The following PLD3 variants were observed in gnomAD, a reference collection of about 807,000 sequenced individuals.
PLD3 encodes the protein phospholipase D family member 3.
PLD3 carries 31 observed loss-of-function variants against 58.4 expected under a neutral mutation model. The ratio of observed to expected loss-of-function variants is 0.53; its 90% CI spans 0.40 to 0.72. The LOEUF (loss-of-function observed/expected upper bound fraction) is 0.72. Among genes scored for constraint, PLD3 ranks in the 30% least tolerant of loss-of-function variants. The probability of loss-of-function intolerance (pLI) is 0.00; values close to 1 mark genes in which losing one functional copy is unlikely to be tolerated. For synonymous variants in PLD3, 264 were observed against 273.4 expected (o/e 0.97, Z 0.34); for missense variants, 595 against 659.8 (o/e 0.90, Z 1.08).
chr19:40,377,848 C>T lies in PLD3; in HGVS notation c.1248C>T (p.His416=). ...GAATCCCATATGCCCGTGTCAACCA[C>T]AACAAGTACATGGTGACTGAACGCG... ...QARIPYARVN[H]NKYMVTERAT... is the part of the protein sequence containing the mutation. Residue 416 remains histidine (H), a synonymous_variant, in exon 12 of 13, where the codon CAC becomes CAT. Transcript: ENST00000409735. 1.2e-6 allele frequency: 2 copies of T among 1,613,990 alleles called. No individual in the cohort carries two copies. Among genetic ancestry groups the T allele is most frequent in the East Asian group, 2.2e-5 (1 of 44,870 alleles).
chr19:40,376,580 T>C lies in PLD3; in HGVS notation c.1020-29T>C, dbSNP rs1395707296. The C allele has an allele frequency of 3.8e-6, 6 of 1,597,812 alleles. 1 individual carries two copies. The highest frequency in any genetic ancestry group is 3.3e-5 in the South Asian group (3 of 89,792). On this transcript the variant is annotated intron_variant, in intron 10 of 12. Coordinates refer to ENST00000409735, the MANE Select transcript of PLD3 (RefSeq NM_012268.4). ...GTGGACACAGCCGCCCTCTGCATCCTGCCCCACCTCCTATACACCCGTCCT... is the reference window on the plus strand; with the variant it reads ...GTGGACACAGCCGCCCTCTGCATCCCGCCCCACCTCCTATACACCCGTCCT...
At chr19:40,357,808 G>A (rs756840761) in intron 1 of PLD3, 3 of 152,162 alleles carry the variant, frequency 2.0e-5, no homozygotes, top group Non-Finnish European at 2.9e-5. Context: ...TACAAGATAC[G>A]AGGGCGTACA....
rs1434441999 is a variant in PLD3, at chr19:40,366,632, C to G, written c.50C>G (p.Pro17Arg). The G allele has an allele frequency of 6.3e-7, 1 of 1,581,094 alleles. No homozygotes were observed. ...CAGCTGAAGGTGCCTGCAGAGGAGC[C>G]CGCCAATGAGCTGCCCATGAATGAG... ...YQELKVPAEE[P>R]ANELPMNEIE... The change falls in exon 4 of 13, where the codon CCC becomes CGC. Residue 17 changes from proline to arginine, a missense_variant. Coordinates refer to ENST00000409735, the MANE Select transcript of PLD3 (RefSeq NM_012268.4).
chr19:40,352,596 G>A (rs1460060528), intron 1 of PLD3, among the ~76,000 whole-genome samples: 1 of 152,006 alleles, frequency 6.6e-6, no homozygotes, highest in East Asian at 1.9e-4. Context: ...AATTCCCTAA[G>A]TGGGATTTTT....
intron 10 of PLD3, among the ~76,000 whole-genome samples, chr19:40,375,170 CA>C (rs200564821): frequency 3.4e-5 from 5 of 147,402 alleles, no homozygotes; most frequent in African/African-American, 5.0e-5. Flanking sequence ...AAAAAAACAA[CA>C]AAAAAAAAGA....
At chr19:40,376,375 A>G (rs200754980) in intron 10 of PLD3, 3 of 384,244 alleles carry the variant, frequency 7.8e-6, no homozygotes, top group South Asian at 5.1e-5. Flanking sequence ...AAGAAAGAAT[A>G]AAAGAGGATG....
chr19:40,373,608 C>T (rs1489396100), intron 9 of PLD3, among the ~76,000 whole-genome samples: 20 of 143,892 alleles, frequency 1.4e-4, no homozygotes, highest in Non-Finnish European at 2.7e-4. Flanking sequence ...AGCGGGGGAG[C>T]GGGGGAACTG....
At chr19:40,361,416 C>T (rs1182727082) in intron 1 of PLD3, among the ~76,000 whole-genome samples, 2 of 152,280 alleles carry the variant, frequency 1.3e-5, no homozygotes, top group African/African-American at 4.8e-5. Flanking sequence ...CAGTGGAGAT[C>T]CCCATCTCTT....
At chr19:40,372,106 C>T (rs190950472) in intron 9 of PLD3, among the ~76,000 whole-genome samples, 1 of 152,242 alleles carries the variant, frequency 6.6e-6, no homozygotes, top group East Asian at 1.9e-4. Flanking sequence ...GAGAGGTACC[C>T]TGGGTTCATG....
Position 40,370,129 on chromosome 19 carries a change from G to A in PLD3, c.570G>A (p.Val190=), listed in dbSNP as rs780226569. Residue 190 remains valine (V), a synonymous_variant, in exon 8 of 13, where the codon GTG becomes GTA. Transcript: ENST00000409735. ...LLQSGAQVRM[V]DMQKLTHGVL... Reference sequence around the variant, plus strand: ...TCACAGGTGCCCAGGTCCGCATGGTGGACATGCAGAAGCTGACCCATGGCG... The same window carrying A: ...TCACAGGTGCCCAGGTCCGCATGGTAGACATGCAGAAGCTGACCCATGGCG... 9.9e-6 allele frequency: 16 copies of A among 1,612,786 alleles called. No homozygotes were observed. In the African/African-American group the frequency reaches 1.6e-4, roughly 16 times the overall value.
At chr19:40,358,510 C>T (rs1421551130) in intron 1 of PLD3, 1 of 152,296 alleles carries the variant, frequency 6.6e-6, no homozygotes, top group African/African-American at 2.4e-5. Context: ...TCTTGGCCTC[C>T]CAAAGTGCTG....
Position 40,371,666 on chromosome 19 carries a change from C to T in PLD3, c.679-7C>T. On this transcript the variant is annotated splice_region_variant and splice_polypyrimidine_tract_variant and intron_variant, in intron 8 of 12. Coordinates refer to ENST00000409735, the MANE Select transcript of PLD3 (RefSeq NM_012268.4). ...CTATCGCTGAGCTCAGCACTGCCCT[C>T]CTACAGGTCAAGGAGCTGGGCGTGG... 1 of 1,609,390 alleles carries T rather than the reference C, an allele frequency of 6.2e-7. No homozygotes were observed. Among genetic ancestry groups the T allele is most frequent in the African/African-American group, 1.3e-5 (1 of 74,926 alleles).
At chr19:40,352,237 C>G (rs912709951) in intron 1 of PLD3, among the ~76,000 whole-genome samples, 4 of 152,162 alleles carry the variant, frequency 2.6e-5, no homozygotes, top group Non-Finnish European at 5.9e-5. Flanking sequence ...CACACCACTT[C>G]ACTCCAGCCT....
intron 1 of PLD3, among the ~76,000 whole-genome samples, chr19:40,362,034 G>C (rs539796830): frequency 1.3e-5 from 2 of 151,598 alleles, no homozygotes. Flanking sequence ...ATGGGATTTC[G>C]CCATGTTGGC....
intron 1 of PLD3, among the ~76,000 whole-genome samples, chr19:40,363,414 AT>A (rs2078835269): frequency 6.6e-6 from 1 of 150,836 alleles, no homozygotes; most frequent in Admixed American, 6.6e-5. Context: ...TTCTTGCTAG[AT>A]TTGTTTGTTT....
intron 10 of PLD3, among the ~76,000 whole-genome samples, chr19:40,375,672 A>T (rs2145704417): frequency 6.6e-6 from 1 of 151,450 alleles, no homozygotes; most frequent in South Asian, 2.1e-4. Context: ...AAGAAAAGAA[A>T]AAAAAAAAGA....
Position 40,369,991 on chromosome 19 carries a change from C to A in PLD3, c.513C>A (p.Pro171=). The part of the protein sequence containing the change: ...VRIAVSKPSG[P]QPQADLQALL... ...TCGCTGTGAGCAAGCCCAGCGGGCC[C>A]CAGCCACAGGCGGACCTGCAGGCTC... Residue 171 remains proline, a synonymous_variant, in exon 7 of 13, where the codon CCC becomes CCA. Transcript: ENST00000409735. 1 of 1,560,674 alleles carries A rather than the reference C, an allele frequency of 6.4e-7. No homozygotes were observed. Among genetic ancestry groups the A allele is most frequent in the East Asian group, 2.4e-5 (1 of 41,666 alleles).
chr19:40,353,582 CTTTT>C (rs112863485), intron 1 of PLD3, among the ~76,000 whole-genome samples: 1 of 149,574 alleles, frequency 6.7e-6, no homozygotes, highest in Non-Finnish European at 1.5e-5. Flanking sequence ...CTTTTCTTTT[CTTTT>C]TTTTTTATTT....
chr19:40,351,612 A>G (rs555400090), intron 1 of PLD3, among the ~76,000 whole-genome samples: 134 of 152,350 alleles, frequency 8.8e-4, no homozygotes, highest in Non-Finnish European at 1.6e-3. Flanking sequence ...CAAAGAGAAC[A>G]GCAAAAGCAA....
Sources: gnomAD v4.1 joint callset for allele counts (sites outside exome capture counted in the v4.1 genomes callset) on GRCh38, gnomAD v4.1.1 for gene constraint, MANE v1.5 for transcripts, NCBI Gene and HGNC (gene_info 2026-07-23, HGNC 2026-07-21) for gene names.